SUMF1: variants seen among roughly 807,000 people sequenced by gnomAD.
SUMF1 encodes sulfatase modifying factor 1.
A neutral mutation model predicts 47.6 loss-of-function variants in SUMF1; 48 were observed. The ratio of observed to expected loss-of-function variants is 1.01; its 90% CI spans 0.80 to 1.28. SUMF1 has a LOEUF of 1.28. SUMF1 is among the 50% of genes most tolerant of loss of function. The pLI is 0.00. For synonymous variants in SUMF1, 230 were observed against 192.1 expected (o/e 1.20, Z -1.63); for missense variants, 571 against 485.4 (o/e 1.18, Z -1.66).
In SUMF1 at chr3:4,411,393, A is replaced by G. The variant is rs138421129; in HGVS notation, c.841-415T>C. 4.1e-3 allele frequency among the ~76,000 whole-genome samples: 620 copies of G among 152,190 alleles called. 2 individuals are homozygous for G. The highest frequency in any genetic ancestry group is 6.8e-3 in the Non-Finnish European group (463 of 68,002). ...ACAGCTCAGCTTTCCTGGCCACACA[A>G]TGTCTTTCAGCACTGAGCGACCCCA... On this transcript the variant is annotated intron_variant, in intron 6 of 8. Transcript: ENST00000272902.
At chr3:4,217,792 C>A (rs1214318153) in intron 8 of SUMF1, among the ~76,000 whole-genome samples, 1 of 150,104 alleles carries the variant, frequency 6.7e-6, no homozygotes, top group Admixed American at 6.7e-5. Context: ...AAGATATATC[C>A]ACAGGAACTG....
At chr3:4,132,334 C>T (rs894988285) in intron 8 of SUMF1, among the ~76,000 whole-genome samples, 3 of 152,038 alleles carry the variant, frequency 2.0e-5, no homozygotes, top group African/African-American at 7.2e-5. Flanking sequence ...TATCATGTTC[C>T]CCATCATTCT....
chr3:4,035,217 T>C (rs1231723216), intron 9 of SUMF1, among the ~76,000 whole-genome samples: 1 of 152,158 alleles, frequency 6.6e-6, no homozygotes, highest in Non-Finnish European at 1.5e-5. Flanking sequence ...ACAAAATGAA[T>C]GGCTTAAAAC....
At chr3:4,313,055 T>G (rs142950522) in intron 8 of SUMF1, 5 of 1,613,950 alleles carry the variant, frequency 3.1e-6, no homozygotes, top group Non-Finnish European at 4.2e-6. Flanking sequence ...CTTAGAGATA[T>G]AGGATCTGGA....
chr3:4,388,581 A>G (rs1219057029), intron 7 of SUMF1, among the ~76,000 whole-genome samples: 3 of 151,978 alleles, frequency 2.0e-5, no homozygotes, highest in Non-Finnish European at 4.4e-5. Context: ...TATGTCAAAG[A>G]CTTAAGTCTG....
At chr3:4,169,699 A>C (rs1694790789) in intron 8 of SUMF1, among the ~76,000 whole-genome samples, 1 of 152,178 alleles carries the variant, frequency 6.6e-6, no homozygotes, top group Admixed American at 6.5e-5. Flanking sequence ...GACAATCTGC[A>C]GTGATTTAAA....
At chr3:4,073,547 G>T (rs747297536) in intron 8 of SUMF1, among the ~76,000 whole-genome samples, 1 of 152,252 alleles carries the variant, frequency 6.6e-6, no homozygotes, top group African/African-American at 2.4e-5. Flanking sequence ...TGGCAAATTG[G>T]ATAAAGAGTC....
chr3:4,354,674 G>T (rs1254781525), intron 8 of SUMF1, among the ~76,000 whole-genome samples: 1 of 152,026 alleles, frequency 6.6e-6, no homozygotes, highest in Non-Finnish European at 1.5e-5. Flanking sequence ...GCTTTTCTAT[G>T]CAGTCTCTTT....
At position 4,213,583 on chromosome 3, in the gene SUMF1, G is replaced by T. The variant is rs752636562; in HGVS notation, c.1015-144838C>A. ...AACAATATTAACCATAAATGTAAAT[G>T]GGCTAAATGCCCCAATTAAAAGGCA... On this transcript the variant is annotated intron_variant and NMD_transcript_variant, in intron 8 of 12. Transcript: ENST00000448413. Among the ~76,000 whole-genome samples the T allele has an allele frequency of 4.1e-4, 63 of 152,252 alleles. 1 individual carries two copies. The highest frequency in any genetic ancestry group is 1.9e-3 in the South Asian group (9 of 4,824).
In SUMF1 at chr3:4,259,777, T is replaced by G. The variant is rs116633473; in HGVS notation, c.1014+116553A>C. ...ATAAATATATTACATTTTTTCAGAT[T>G]ACAAAAGTATCATTTGCACCAAGGA... On this transcript the variant is annotated intron_variant and NMD_transcript_variant, in intron 8 of 12. Transcript: ENST00000448413. Among the ~76,000 whole-genome samples the G allele has an allele frequency of 9.0e-3, 1,376 of 152,266 alleles. 20 individuals carry two copies. Among genetic ancestry groups the G allele is most frequent in the African/African-American group, 0.032 (1,312 of 41,556 alleles).
intron 8 of SUMF1, among the ~76,000 whole-genome samples, chr3:4,209,538 C>T (rs1189891647): frequency 1.3e-5 from 2 of 151,758 alleles, no homozygotes; most frequent in African/African-American, 4.8e-5. Context: ...AAATGACAAT[C>T]TAAGAAAAAT....
chr3:4,374,703 C>A (rs2124833024), intron 8 of SUMF1, among the ~76,000 whole-genome samples: 1 of 152,260 alleles, frequency 6.6e-6, no homozygotes, highest in East Asian at 1.9e-4. Flanking sequence ...AAGAGAGATT[C>A]ACCTGTTTTC....
chr3:4,374,617 G>T (rs1700266868), intron 8 of SUMF1, among the ~76,000 whole-genome samples: 1 of 152,108 alleles, frequency 6.6e-6, no homozygotes, highest in African/African-American at 2.4e-5. Flanking sequence ...AAAGTAAATG[G>T]ATTCTGAATT....
intron 3 of SUMF1, among the ~76,000 whole-genome samples, chr3:4,424,476 G>A (rs542910195): frequency 1.1e-4 from 16 of 152,268 alleles, no homozygotes; most frequent in African/African-American, 3.9e-4. Flanking sequence ...AGGACACCAC[G>A]ACAACACTAT....
intron 8 of SUMF1, among the ~76,000 whole-genome samples, chr3:4,225,644 C>T (rs1418581752): frequency 6.6e-6 from 1 of 152,080 alleles, no homozygotes; most frequent in African/African-American, 2.4e-5. Context: ...AAACCCATGG[C>T]TTTGTCAGAT....
chr3:4,321,470 TAAAAAAAA>T (rs1206478992), intron 8 of SUMF1, among the ~76,000 whole-genome samples: 3 of 63,736 alleles, frequency 4.7e-5, no homozygotes, highest in Admixed American at 4.0e-4. Flanking sequence ...AAGGAAATGC[TAAAAAAAA>T]AAAAAAAAAA....
At chr3:4,257,897 C>G (rs1456892243) in intron 8 of SUMF1, among the ~76,000 whole-genome samples, 6 of 151,322 alleles carry the variant, frequency 4.0e-5, no homozygotes, top group African/African-American at 1.5e-4. Context: ...CAGCATGGTA[C>G]TGGTACCAAA....
At chr3:4,395,919 CA>C (rs1432663909) in intron 7 of SUMF1, among the ~76,000 whole-genome samples, 1 of 152,148 alleles carries the variant, frequency 6.6e-6, no homozygotes, top group Non-Finnish European at 1.5e-5. Context: ...AAGCACATTA[CA>C]GTTGGATATT....
chr3:4,225,700 C>T lies in SUMF1; in HGVS notation c.1014+150630G>A, dbSNP rs570695770. On this transcript the variant is annotated intron_variant and NMD_transcript_variant, in intron 8 of 12. Transcript: ENST00000448413. ...TGAATCATGAGCAGAGAGTAGAAGT[C>T]ACCTGAGGTTATAAAAGTCTCTGTA... is the stretch of plus-strand genomic sequence containing the variant. Among the ~76,000 whole-genome samples the T allele has an allele frequency of 1.1e-3, 163 of 152,242 alleles. 1 individual carries two copies. Among genetic ancestry groups the T allele is most frequent in the African/African-American group, 3.7e-3 (155 of 41,556 alleles).
Sources: gnomAD v4.1 joint callset for allele counts (sites outside exome capture counted in the v4.1 genomes callset) on GRCh38, gnomAD v4.1.1 for gene constraint, MANE v1.5 for transcripts, NCBI Gene and HGNC (gene_info 2026-07-23, HGNC 2026-07-21) for gene names.